The following TBC1D5 variants were observed in gnomAD, a reference collection of about 807,000 sequenced individuals.
The protein encoded by TBC1D5 is TBC1 domain family, member 5.
In TBC1D5, 75 loss-of-function variants were observed where a neutral mutation model predicts 100.3. The ratio of observed to expected loss-of-function variants is 0.75; its 90% CI spans 0.62 to 0.91. TBC1D5 has a LOEUF of 0.91. TBC1D5 is among the 40% of genes least tolerant of loss of function. The pLI, the probability that TBC1D5 is intolerant of heterozygous loss-of-function variation, is 0.00. For synonymous variants in TBC1D5, 323 were observed against 325.6 expected, an observed-to-expected ratio of 0.99 and a Z score of 0.09; for missense variants, 910 against 942.4, an observed-to-expected ratio of 0.97 and a Z score of 0.45.
chr3:17,546,626 G>A (rs575019875), intron 2 of TBC1D5, among the ~76,000 whole-genome samples: 3 of 151,396 alleles, frequency 2.0e-5, no homozygotes, highest in South Asian at 2.1e-4. Flanking sequence ...AAAAATAACC[G>A]GGCATGGCGG....
chr3:17,491,740 G>C (rs145844258), intron 3 of TBC1D5, among the ~76,000 whole-genome samples: 17 of 152,278 alleles, frequency 1.1e-4, no homozygotes, highest in African/African-American at 4.1e-4. Context: ...ATGTTCATCA[G>C]GGATGTTGCC....
intron 3 of TBC1D5, among the ~76,000 whole-genome samples, chr3:17,493,978 T>G (rs1450194281): frequency 6.6e-6 from 1 of 152,196 alleles, no homozygotes; most frequent in Admixed American, 6.5e-5. Context: ...GCTGCAGAGG[T>G]GCTACAATCA....
intron 1 of TBC1D5, among the ~76,000 whole-genome samples, chr3:17,661,790 A>T (rs2066682022): frequency 6.6e-6 from 1 of 152,016 alleles, no homozygotes; most frequent in Admixed American, 6.6e-5. Flanking sequence ...GAGCCATCGC[A>T]CCTGGCCAGC....
At chr3:17,225,662 T>C (rs2074810218) in intron 17 of TBC1D5, among the ~76,000 whole-genome samples, 1 of 151,888 alleles carries the variant, frequency 6.6e-6, no homozygotes, top group Admixed American at 6.6e-5. Flanking sequence ...TGCGTGCCTG[T>C]AGTCCACTCA....
intron 2 of TBC1D5, among the ~76,000 whole-genome samples, chr3:17,580,391 T>C (rs1201667939): frequency 1.3e-5 from 2 of 152,100 alleles, no homozygotes; most frequent in African/African-American, 4.8e-5. Context: ...CCTAAAGAAG[T>C]GGGAAGCAAG....
intron 1 of TBC1D5, among the ~76,000 whole-genome samples, chr3:17,646,686 T>C (rs1226901910): frequency 1.3e-5 from 2 of 152,178 alleles, no homozygotes; most frequent in Non-Finnish European, 1.5e-5. Flanking sequence ...TCATTCACCC[T>C]TAGCAAGCGG....
upstream of TBC1D5, among the ~76,000 whole-genome samples, chr3:17,741,584 T>C (rs369911248): frequency 2.8e-4 from 43 of 152,330 alleles, no homozygotes; most frequent in African/African-American, 9.4e-4. Flanking sequence ...TTTTGTCCAA[T>C]TCAGAGTTGA....
chr3:17,518,673 A>C (rs1181330730), intron 2 of TBC1D5, among the ~76,000 whole-genome samples: 1 of 152,244 alleles, frequency 6.6e-6, no homozygotes, highest in Non-Finnish European at 1.5e-5. Flanking sequence ...TGTCACACTG[A>C]TTCTTTGCCC....
intron 2 of TBC1D5, among the ~76,000 whole-genome samples, chr3:17,578,526 T>C (rs2096671778): frequency 6.6e-6 from 1 of 152,018 alleles, no homozygotes; most frequent in Admixed American, 6.6e-5. Context: ...AATGGGAAAT[T>C]AGATTAACAC....
chr3:17,733,498 G>C (rs758947528), intron 1 of TBC1D5, among the ~76,000 whole-genome samples: 1 of 152,086 alleles, frequency 6.6e-6, no homozygotes, highest in African/African-American at 2.4e-5. Flanking sequence ...ACTTGGGGGG[G>C]GTGGAGCTAG....
intron 1 of TBC1D5, among the ~76,000 whole-genome samples, chr3:17,708,133 G>T (rs1012255801): frequency 2.0e-5 from 3 of 152,186 alleles, no homozygotes; most frequent in Admixed American, 6.5e-5. Context: ...AAATTGGTAT[G>T]TGGCCTCCTA....
At chr3:17,214,247 C>G (rs138674365) in exon 18 of TBC1D5, 1 of 1,613,222 alleles carries the variant, frequency 6.2e-7, no homozygotes, top group Middle Eastern at 1.7e-4. Context: ...TGAGCGAGAA[C>G]GTGAGATGTT....
intron 1 of TBC1D5, among the ~76,000 whole-genome samples, chr3:17,625,340 T>C (rs1326709942): frequency 1.3e-5 from 2 of 152,110 alleles, no homozygotes; most frequent in African/African-American, 4.8e-5. Flanking sequence ...CTTGTGCTTA[T>C]AATTAGCATC....
chr3:17,528,471 A>G (rs1297566360), intron 2 of TBC1D5, among the ~76,000 whole-genome samples: 1 of 152,124 alleles, frequency 6.6e-6, no homozygotes, highest in Non-Finnish European at 1.5e-5. Context: ...TCTCATCTTG[A>G]TCTTGCACTT....
At chr3:17,527,130 T>A (rs906665517) in intron 2 of TBC1D5, among the ~76,000 whole-genome samples, 1 of 152,138 alleles carries the variant, frequency 6.6e-6, no homozygotes, top group Non-Finnish European at 1.5e-5. Context: ...GCATATCAAG[T>A]AGCAACAACA....
chr3:17,243,495 C>T (rs2076475338), intron 16 of TBC1D5, among the ~76,000 whole-genome samples: 1 of 151,392 alleles, frequency 6.6e-6, no homozygotes, highest in African/African-American at 2.4e-5. Context: ...AAAATGTGTA[C>T]AATTATTGTG....
chr3:17,173,077 G>A (rs571981543), intron 19 of TBC1D5, among the ~76,000 whole-genome samples: 9 of 152,252 alleles, frequency 5.9e-5, no homozygotes, highest in African/African-American at 4.8e-5. Flanking sequence ...GCACCCAGTC[G>A]TTTCATTTGT....
intron 18 of TBC1D5, among the ~76,000 whole-genome samples, chr3:17,207,724 T>G (rs1478953072): frequency 6.6e-6 from 1 of 152,232 alleles, no homozygotes; most frequent in Non-Finnish European, 1.5e-5. Context: ...ACACACTATA[T>G]GATGCTTGTC....
At chr3:17,277,587 C>A (rs932074671) in intron 15 of TBC1D5, among the ~76,000 whole-genome samples, 2 of 152,144 alleles carry the variant, frequency 1.3e-5, no homozygotes, top group African/African-American at 4.8e-5. Context: ...GAAGTAAACA[C>A]TATTGTTGGA....
Sources: allele counts gnomAD v4.1 joint callset (sites outside exome capture counted in the v4.1 genomes callset), GRCh38; gene constraint gnomAD v4.1.1; transcripts MANE v1.5; gene names NCBI Gene and HGNC (gene_info 2026-07-23, HGNC 2026-07-21).